GRTP1: variants seen among roughly 807,000 people sequenced by gnomAD.
GRTP1 encodes growth hormone regulated TBC protein 1.
GRTP1 carries 56 observed loss-of-function variants against 38.1 expected under a neutral mutation model. The observed-to-expected ratio is 1.47, with a 90% confidence interval of 1.19 to 1.84. The LOEUF is 1.84. Among genes scored for constraint, GRTP1 ranks in the 40% most tolerant of loss-of-function variants. The probability of loss-of-function intolerance (pLI) is 0.00; values close to 1 mark genes in which losing one functional copy is unlikely to be tolerated. For synonymous variants in GRTP1, 217 were observed against 189.5 expected (o/e 1.14, Z -1.19); for missense variants, 506 against 453.9 (o/e 1.11, Z -1.04).
intron 5 of GRTP1, among the ~76,000 whole-genome samples, chr13:113,334,165 T>G (rs533664235): frequency 1.9e-3 from 294 of 152,238 alleles, no homozygotes; most frequent in African/African-American, 6.7e-3. Flanking sequence ...CATGTAAAGT[T>G]TTCTCAAACA....
chr13:113,353,363 T>C (rs1038725965), intron 3 of GRTP1, among the ~76,000 whole-genome samples: 1 of 152,132 alleles, frequency 6.6e-6, no homozygotes, highest in African/African-American at 2.4e-5. Context: ...AGCCCAGGGG[T>C]CCACTGATAG....
Position 113,325,811 on chromosome 13 carries a change from T to G in GRTP1, c.771A>C (p.Glu257Asp). The change falls in exon 7 of 8, where the codon GAA (glutamate) becomes GAC (aspartate). Residue 257 changes from glutamate to aspartate, a missense_variant. Coordinates refer to ENST00000375431, the MANE Select transcript of GRTP1 (RefSeq NM_024719.4). The part of the protein sequence containing the change: ...VLRIWDCLFN[E>D]GSKIIFRVAL... ...CCACCCGGAAGATAATCTTCGAGCC[T>G]TCGTTAAACAAACAGTCCCAGATCC... 6.2e-7 allele frequency: 1 copy of G among 1,613,974 alleles called. No individual in the cohort carries two copies. Among genetic ancestry groups the G allele is most frequent in the Non-Finnish European group, 8.5e-7 (1 of 1,179,948 alleles).
Position 113,343,516 on chromosome 13 carries a change from GCCCCATCCGTGA to G in GRTP1, c.562+1335_562+1346del, listed in dbSNP as rs1412301259. ...GCCCTTAATGATGCACTTGAGCTTT[GCCCCATCCGTGA>G]GGACACACACTATGGTCTGTGAGTC... On this transcript the variant is annotated intron_variant, in intron 5 of 7. Coordinates refer to ENST00000375431, the MANE Select transcript of GRTP1 (RefSeq NM_024719.4). The surrounding 1 kb of genome is among the most constrained non-coding windows in gnomAD (Gnocchi z 4.8). 6.6e-6 allele frequency among the ~76,000 whole-genome samples: 1 copy of G among 152,184 alleles called. No homozygotes were observed. Among genetic ancestry groups the G allele is most frequent in the Non-Finnish European group, 1.5e-5 (1 of 68,034 alleles).
intron 2 of GRTP1, among the ~76,000 whole-genome samples, chr13:113,362,846 C>T (rs923868422): frequency 5.9e-5 from 9 of 152,142 alleles, no homozygotes; most frequent in Non-Finnish European, 8.8e-5. Context: ...GCCCCCAGGA[C>T]TCCCCTTTGA....
At chr13:113,355,717 C>G in intron 2 of GRTP1, 1 of 379,576 alleles carries the variant, frequency 2.6e-6, no homozygotes, top group Non-Finnish European at 4.7e-6. Flanking sequence ...CCCACGCCCA[C>G]TTCACCATTC....
At chr13:113,357,623 CA>C (rs2043419852) in intron 2 of GRTP1, among the ~76,000 whole-genome samples, 1 of 152,004 alleles carries the variant, frequency 6.6e-6, no homozygotes, top group African/African-American at 2.4e-5. Flanking sequence ...CCAAAGACAC[CA>C]ATAATTCAGC....
chr13:113,324,546 A>G lies in GRTP1; in HGVS notation c.953T>C (p.Met318Thr), dbSNP rs1416241393. 2.5e-6 allele frequency: 4 copies of G among 1,611,602 alleles called. No homozygotes were observed. The highest frequency in any genetic ancestry group is 2.7e-5 in the African/African-American group (2 of 74,886). Residue 318 changes from methionine to threonine, a missense_variant, in exon 8 of 8, where the codon ATG (methionine) becomes ACG (threonine). Physicochemically the swap from Met to Thr is moderately conservative, Grantham distance 81. Coordinates refer to ENST00000375431, the MANE Select transcript of GRTP1 (RefSeq NM_024719.4). ...CTCGCGGAGCTTGGCGACGGTGGCC[A>G]TGGATAAGCTTCCAGGTTCTGAAAA... ...KIFSEPGSLS[M>T]ATVAKLRESC...
At chr13:113,341,845 G>T (rs768399503) in intron 5 of GRTP1, among the ~76,000 whole-genome samples, 1 of 152,080 alleles carries the variant, frequency 6.6e-6, no homozygotes, top group Non-Finnish European at 1.5e-5. Context: ...GATGGGAGGG[G>T]TCTCACTTTA....
intron 4 of GRTP1, among the ~76,000 whole-genome samples, chr13:113,346,697 A>T (rs79329681): frequency 0.02 from 4 of 198 alleles, 2 homozygotes; most frequent in African/African-American, 0.035. Context: ...CCTCTGTGGC[A>T]GAGAGCAGAC....
At chr13:113,339,125 G>T (rs949234667) in intron 5 of GRTP1, among the ~76,000 whole-genome samples, 44 of 151,990 alleles carry the variant, frequency 2.9e-4, no homozygotes, top group African/African-American at 1.0e-3. Flanking sequence ...TGTTGACCAG[G>T]CTGGTCTCGA....
At chr13:113,352,271 TTTA>T (rs1190041013) in intron 3 of GRTP1, among the ~76,000 whole-genome samples, 1 of 109,524 alleles carries the variant, frequency 9.1e-6, no homozygotes, top group Non-Finnish European at 1.8e-5. Flanking sequence ...TTTTTATATT[TTTA>T]TATATATTTA....
At chr13:113,359,146 A>C (rs2043448314) in intron 2 of GRTP1, among the ~76,000 whole-genome samples, 1 of 152,212 alleles carries the variant, frequency 6.6e-6, no homozygotes, top group Non-Finnish European at 1.5e-5. Context: ...CAAAGGCTAC[A>C]ATCTGCATGA....
chr13:113,331,571 T>G (rs1346678689), intron 5 of GRTP1, among the ~76,000 whole-genome samples: 3 of 152,088 alleles, frequency 2.0e-5, no homozygotes, highest in African/African-American at 7.2e-5. Context: ...GCACAGCCCT[T>G]ACAGGGCGTG....
chr13:113,344,355 C>T lies in GRTP1; in HGVS notation c.562+508G>A, dbSNP rs992065793. Reference sequence around the variant, plus strand: ...CCCAGGAGCAAGCAGTTGCTGCAGCCGGACCCTGGCCACTCACATGGGTTT... The same window carrying T: ...CCCAGGAGCAAGCAGTTGCTGCAGCTGGACCCTGGCCACTCACATGGGTTT... On this transcript the variant is annotated intron_variant, in intron 5 of 7. Transcript: ENST00000375431. Among the ~76,000 whole-genome samples the T allele has an allele frequency of 8.5e-5, 13 of 152,182 alleles. 1 individual carries two copies. The highest frequency in any genetic ancestry group is 1.2e-4 in the African/African-American group (5 of 41,436).
chr13:113,329,215 G>A (rs1471716848), intron 5 of GRTP1, among the ~76,000 whole-genome samples: 6 of 152,250 alleles, frequency 3.9e-5, no homozygotes, highest in Non-Finnish European at 5.9e-5. Context: ...GCCACCGACA[G>A]TTAAGGAAGG....
rs960182636 is a variant in GRTP1, at chr13:113,342,301, C to T, written c.562+2562G>A. Among the ~76,000 whole-genome samples, 15 of 151,898 alleles carry T rather than the reference C, an allele frequency of 9.9e-5. No homozygotes were observed. The highest frequency in any genetic ancestry group is 2.9e-4 in the African/African-American group (12 of 41,426). ...CAGGCGGATCACGAGGTCAGGAGAT[C>T]GAGACCATCCTGGCTAACACGGTGA... is the stretch of plus-strand genomic sequence containing the variant. On this transcript the variant is annotated intron_variant, in intron 5 of 7. Transcript: ENST00000375431. This position sits in a 1 kb window ranked among gnomAD's most constrained non-coding sequence, Gnocchi z 4.5.
intron 7 of GRTP1, chr13:113,324,830 T>C (rs1164667604): frequency 2.3e-5 from 5 of 214,940 alleles, no homozygotes; most frequent in South Asian, 1.5e-4. Flanking sequence ...TCCATTAGAC[T>C]TTTTTTTTTT....
chr13:113,340,397 T>C (rs578219449), intron 5 of GRTP1, among the ~76,000 whole-genome samples: 12 of 150,970 alleles, frequency 7.9e-5, no homozygotes, highest in African/African-American at 2.9e-4. Context: ...GAGGATCACT[T>C]GAGCTAAGGA....
At chr13:113,331,811 A>G (rs1010936715) in intron 5 of GRTP1, among the ~76,000 whole-genome samples, 28 of 150,814 alleles carry the variant, frequency 1.9e-4, no homozygotes, top group Non-Finnish European at 3.3e-4. Context: ...ATCCGACACC[A>G]GGCCCGGCTA....
Sources: gnomAD v4.1 joint callset for allele counts (sites outside exome capture counted in the v4.1 genomes callset) on GRCh38, gnomAD v4.1.1 for gene constraint, Gnocchi (gnomAD v3.1) non-coding constraint, MANE v1.5 for transcripts, NCBI Gene and HGNC (gene_info 2026-07-23, HGNC 2026-07-21) for gene names.